Variants in UTS2B observed in about 807,000 individuals in gnomAD.
UTS2B encodes the protein urotensin 2B, also known as urotensin-2B.
UTS2B carries 21 observed loss-of-function variants against 19.2 expected under a neutral mutation model. That is an observed-to-expected ratio of 1.09 (90% CI 0.78 to 1.58). The LOEUF is 1.58. UTS2B is among the 40% of genes most tolerant of loss of function. The pLI is 0.00. For synonymous variants in UTS2B, 57 were observed against 50.2 expected (o/e 1.14, Z -0.58); for missense variants, 138 against 130.3 (o/e 1.06, Z -0.29).
At chr3:191,284,297 A>C (rs964613368) in intron 4 of UTS2B, among the ~76,000 whole-genome samples, 2 of 152,000 alleles carry the variant, frequency 1.3e-5, no homozygotes, top group African/African-American at 2.4e-5. Context: ...TCTTTTGATA[A>C]GGTTGAATAC....
intron 4 of UTS2B, among the ~76,000 whole-genome samples, chr3:191,300,732 G>T (rs992027820): frequency 6.6e-6 from 1 of 152,170 alleles, no homozygotes; most frequent in Non-Finnish European, 1.5e-5. Flanking sequence ...TCCCCCTTTG[G>T]GGCTGTTCTC....
At chr3:191,303,246 A>G (rs1353088049) in intron 4 of UTS2B, among the ~76,000 whole-genome samples, 1 of 152,230 alleles carries the variant, frequency 6.6e-6, no homozygotes, top group East Asian at 1.9e-4. Flanking sequence ...ACCCACGTGC[A>G]TATCCACATA....
chr3:191,324,713 C>T (rs557116313), intron 2 of UTS2B, among the ~76,000 whole-genome samples: 28 of 152,200 alleles, frequency 1.8e-4, no homozygotes, highest in African/African-American at 4.8e-4. Flanking sequence ...TTATTAGCAG[C>T]GTGAGAATAG....
intron 4 of UTS2B, among the ~76,000 whole-genome samples, chr3:191,303,162 A>G (rs749901769): frequency 5.9e-5 from 9 of 152,112 alleles, no homozygotes; most frequent in Non-Finnish European, 1.3e-4. Context: ...CCAGTCCCCT[A>G]TATCTTTTTG....
At chr3:191,313,113 G>T (rs570070442) in intron 3 of UTS2B, among the ~76,000 whole-genome samples, 1 of 151,458 alleles carries the variant, frequency 6.6e-6, no homozygotes, top group Admixed American at 6.6e-5. Flanking sequence ...TCCTGCCTCA[G>T]CCTCCCAAGT....
At chr3:191,268,825 G>A (rs1716012000) in intron 8 of UTS2B, among the ~76,000 whole-genome samples, 1 of 152,106 alleles carries the variant, frequency 6.6e-6, no homozygotes, top group Non-Finnish European at 1.5e-5. Flanking sequence ...TACACTTGAG[G>A]TAACTGATAT....
chr3:191,273,454 G>T (rs1488181330), intron 8 of UTS2B: 4 of 456,554 alleles, frequency 8.8e-6, no homozygotes, highest in Non-Finnish European at 1.8e-5. Context: ...TAGAAATGAT[G>T]TGTGTCCCTT....
At chr3:191,344,178 G>A in the UTS2B span, among the ~76,000 whole-genome samples, 3 of 152,220 alleles carry the variant, frequency 2.0e-5, no homozygotes, top group Admixed American at 6.5e-5. Context: ...ACATGCAGAA[G>A]GTTAAAATGG....
At chr3:191,273,459 TC>T (rs1560131764) in intron 8 of UTS2B, 1 of 456,690 alleles carries the variant, frequency 2.2e-6, no homozygotes, top group East Asian at 6.9e-5. Flanking sequence ...ATGATGTGTG[TC>T]CCTTCCGAAC....
intron 2 of UTS2B, among the ~76,000 whole-genome samples, chr3:191,323,677 T>C (rs1216039803): frequency 6.6e-6 from 1 of 152,070 alleles, no homozygotes; most frequent in Non-Finnish European, 1.5e-5. Context: ...GACAAGGGAA[T>C]TGAGGGTATT....
At position 191,282,115 on chromosome 3, in the gene UTS2B, A is replaced by T. The variant is rs1716404930; in HGVS notation, c.75T>A (p.Ser25=). 6 of 1,613,580 alleles carry T rather than the reference A, an allele frequency of 3.7e-6. No homozygotes were observed. Among genetic ancestry groups the T allele is most frequent in the Non-Finnish European group, 5.1e-6 (6 of 1,179,618 alleles). ...TLLSVLSFLQ[S]VHGRPYLTQG... ...GGGTAAGATATGGTCGTCCATGCAC[A>T]GATTGTAAAAAACTCAACACGGATA... Residue 25 remains serine (S), a synonymous_variant, in exon 5 of 9, where the codon TCT becomes TCA. Coordinates refer to ENST00000340524, the MANE Select transcript of UTS2B (RefSeq NM_198152.5).
intron 3 of UTS2B, among the ~76,000 whole-genome samples, chr3:191,310,780 T>C (rs1339339004): frequency 7.2e-6 from 1 of 138,608 alleles, no homozygotes; most frequent in African/African-American, 2.6e-5. Flanking sequence ...CTATCTACTA[T>C]GATCCAACTC....
Position 191,317,735 on chromosome 3 carries a change from C to T in UTS2B, c.-585-1296G>A, listed in dbSNP as rs550281084. Among the ~76,000 whole-genome samples, 8 of 152,200 alleles carry T rather than the reference C, an allele frequency of 5.3e-5. No homozygotes were observed. In the South Asian group the frequency reaches 1.2e-3, roughly 24 times the overall value. On this transcript the variant is annotated intron_variant, in intron 2 of 8. Coordinates refer to ENST00000340524, the MANE Select transcript of UTS2B (RefSeq NM_198152.5). ...CTGGGCCTACAGGCATGCACCACTA[C>T]GCCCAACTAATTTTTTGTATTTTTA...
chr3:191,328,425 A>G (rs1485673277), intron 2 of UTS2B: 2 of 152,396 alleles, frequency 1.3e-5, no homozygotes, highest in African/African-American at 4.8e-5. Context: ...TTCTGTCTTC[A>G]GTTTGGCCTC....
chr3:191,290,869 ATAAT>A (rs1355634754), intron 4 of UTS2B, among the ~76,000 whole-genome samples: 2 of 152,242 alleles, frequency 1.3e-5, no homozygotes, highest in Non-Finnish European at 2.9e-5. Flanking sequence ...ACTGATTTGA[ATAAT>A]TACTTTCAGA....
chr3:191,285,874 G>A (rs1716529847), intron 4 of UTS2B, among the ~76,000 whole-genome samples: 1 of 152,014 alleles, frequency 6.6e-6, no homozygotes, highest in South Asian at 2.1e-4. Flanking sequence ...ACTCCAGCCT[G>A]ATGACAGAGT....
intron 4 of UTS2B, among the ~76,000 whole-genome samples, chr3:191,287,274 A>T (rs1716569743): frequency 6.6e-6 from 1 of 152,166 alleles, no homozygotes; most frequent in African/African-American, 2.4e-5. Context: ...TTACTCTGAT[A>T]CCAAAGCCAG....
intron 8 of UTS2B, among the ~76,000 whole-genome samples, chr3:191,270,101 C>T (rs890102311): frequency 1.3e-5 from 2 of 152,196 alleles, no homozygotes; most frequent in African/African-American, 2.4e-5. Context: ...TCACAGTAAG[C>T]GTAAGTTTTT....
At chr3:191,332,409 G>A (rs1718021534), upstream of UTS2B, among the ~76,000 whole-genome samples, 1 of 152,172 alleles carries the variant, frequency 6.6e-6, no homozygotes, top group African/African-American at 2.4e-5. Flanking sequence ...AGTCAACTAA[G>A]TGTCAACACA....
Sources: allele counts gnomAD v4.1 joint callset (sites outside exome capture counted in the v4.1 genomes callset), GRCh38; gene constraint gnomAD v4.1.1; transcripts MANE v1.5; gene names NCBI Gene and HGNC (gene_info 2026-07-23, HGNC 2026-07-21).